The following DCTN2 variants were observed in gnomAD, a reference collection of about 807,000 sequenced individuals.
The protein encoded by DCTN2 is 50 kDa dynein-associated polypeptide.
Under a neutral mutation model 55.4 loss-of-function variants are expected in DCTN2, and 18 were observed. The ratio of observed to expected loss-of-function variants is 0.32; its 90% CI spans 0.22 to 0.48. The LOEUF (loss-of-function observed/expected upper bound fraction) is 0.48, where lower values mean the gene tolerates loss of function less well. Among genes scored for constraint, DCTN2 ranks in the 20% least tolerant of loss-of-function variants. The pLI, the probability that DCTN2 is intolerant of heterozygous loss-of-function variation, is 0.99. For missense variants in DCTN2, 390 were observed against 491.0 expected (o/e 0.79, Z 1.94); for synonymous variants, 168 against 185.2 (o/e 0.91, Z 0.76).
At chr12:57,544,488 C>T (rs1880981235) in intron 2 of DCTN2, among the ~76,000 whole-genome samples, 1 of 149,004 alleles carries the variant, frequency 6.7e-6, no homozygotes, top group Non-Finnish European at 1.5e-5. Flanking sequence ...AATCTCGGCT[C>T]ACTGCAACCT....
Position 57,532,045 on chromosome 12 carries a change from G to C in DCTN2, c.1089C>G (p.Ser363=), listed in dbSNP as rs1879773163. 1.9e-6 allele frequency: 3 copies of C among 1,565,788 alleles called. No homozygotes were observed. In the East Asian group the frequency reaches 7.1e-5, roughly 37 times the overall value. The part of the protein sequence containing the change: ...LDTTQQMIAN[S]LKDNTTLLTQ... ...TCAAGAGGGTGGTATTGTCCTTCAA[G>C]GAATTAGCAATCATCTGCTGGGTGG... is the stretch of plus-strand genomic sequence containing the variant. The change falls in exon 13 of 14, where the codon TCC becomes TCG. Residue 363 remains serine, a synonymous_variant. Coordinates refer to ENST00000548249, the MANE Select transcript of DCTN2 (RefSeq NM_001261413.2).
chr12:57,534,392 G>A lies in DCTN2; in HGVS notation c.424C>T (p.Leu142=). The change falls in exon 6 of 14, where the codon CTG becomes TTG. Residue 142 remains leucine, a synonymous_variant. Coordinates refer to ENST00000548249, the MANE Select transcript of DCTN2 (RefSeq NM_001261413.2). Reference sequence around the variant, plus strand: ...ACCAGCTGCTGCTTCAGGGCTGCCAGCTGTTTAGCCAGCAACACAGGGGTC... The same window carrying A: ...ACCAGCTGCTGCTTCAGGGCTGCCAACTGTTTAGCCAGCAACACAGGGGTC... ...KLTPVLLAKQ[L]AALKQQLVAS... 1.2e-6 allele frequency: 2 copies of A among 1,612,798 alleles called. No individual in the cohort carries two copies. The highest frequency in any genetic ancestry group is 1.7e-6 in the Non-Finnish European group (2 of 1,179,180).
intron 7 of DCTN2, 67 bp downstream of exon 7, chr12:57,533,886 G>A: frequency 1.3e-6 from 2 of 1,497,670 alleles, no homozygotes; most frequent in Admixed American, 2.2e-5. Context: ...TCCTTGGAGA[G>A]AGGCAGGAAA....
intron 3 of DCTN2, 40 bp from the exon 4 acceptor site, chr12:57,535,585 G>T (rs746489035): frequency 6.2e-7 from 1 of 1,609,158 alleles, no homozygotes. Flanking sequence ...CCTGATCTAG[G>T]CCCAAGGCAG....
chr12:57,530,718 C>G lies in DCTN2; in HGVS notation c.1177G>C (p.Asp393His). Residue 393 changes from aspartate to histidine, a missense_variant, in exon 14 of 14, where the codon GAT (aspartate) becomes CAT (histidine). Physicochemically the swap from Asp to His is moderately conservative, Grantham distance 81. Transcript: ENST00000548249. ...TTTCCCAGCTTCTTCATCCGTTCAT[C>G]AATGCTGGCAAAGTTCCCCTCAACT... ...ATVEGNFASIDERMKKLGK is the reference protein window; with the variant it reads ...ATVEGNFASIHERMKKLGK The G allele has an allele frequency of 6.2e-7, 1 of 1,613,984 alleles. No homozygotes were observed. The highest frequency in any genetic ancestry group is 2.2e-5 in the East Asian group (1 of 44,878).
At chr12:57,533,129 A>T in intron 8 of DCTN2, 107 bp from the exon 9 acceptor site, 1 of 1,562,092 alleles carries the variant, frequency 6.4e-7, no homozygotes, top group African/African-American at 1.4e-5. Context: ...TGATCCCTGT[A>T]ACTGAAGCCC....
chr12:57,533,057 T>G (rs1189233997), intron 8 of DCTN2, 35 bp from the exon 9 acceptor site: 1 of 1,580,446 alleles, frequency 6.3e-7, no homozygotes, highest in Admixed American at 1.8e-5. Context: ...TGAGTGGTCC[T>G]TATATCTCCA....
chr12:57,531,884 T>C, intron 13 of DCTN2, 131 bp downstream of exon 13: 1 of 1,296,410 alleles, frequency 7.7e-7, no homozygotes, highest in Non-Finnish European at 1.1e-6. Flanking sequence ...GAAAGCAGGA[T>C]GGAGACTCCA....
intron 13 of DCTN2, among the ~76,000 whole-genome samples, chr12:57,531,204 C>CTG (rs1879669553): frequency 6.6e-6 from 1 of 152,170 alleles, no homozygotes; most frequent in Non-Finnish European, 1.5e-5. Context: ...CCTTCCAGCA[C>CTG]TGAGAACAGT....
chr12:57,546,341 C>T (rs1306220482), intron 1 of DCTN2, among the ~76,000 whole-genome samples: 2 of 152,108 alleles, frequency 1.3e-5, no homozygotes, highest in Admixed American at 1.3e-4. Flanking sequence ...AACGATGTTA[C>T]CCTAAATCTA....
chr12:57,534,695 T>C (rs1164715062), intron 5 of DCTN2, among the ~76,000 whole-genome samples: 1 of 151,980 alleles, frequency 6.6e-6, no homozygotes, highest in African/African-American at 2.4e-5. Flanking sequence ...TGAGATGGAG[T>C]CTCGCTCTGT....
intron 2 of DCTN2, chr12:57,538,671 C>A: frequency 1.6e-6 from 1 of 639,656 alleles, no homozygotes. Context: ...CACACTGCAC[C>A]ACAGGGCCCC....
intron 2 of DCTN2, among the ~76,000 whole-genome samples, chr12:57,537,514 G>A (rs1201356354): frequency 6.6e-6 from 1 of 151,990 alleles, no homozygotes; most frequent in Non-Finnish European, 1.5e-5. Flanking sequence ...GTGTGAGGGG[G>A]ACATGGTGGG....
intron 2 of DCTN2, chr12:57,539,936 G>A: frequency 4.7e-6 from 1 of 211,374 alleles, no homozygotes. Flanking sequence ...TGAGGCAGGA[G>A]AATCATTTGA....
chr12:57,535,580 T>C (rs757825893), intron 3 of DCTN2, 35 bp from the exon 4 acceptor site: 1 of 1,607,952 alleles, frequency 6.2e-7, no homozygotes, highest in Non-Finnish European at 8.5e-7. Flanking sequence ...GAGGGCCTGA[T>C]CTAGGCCCAA....
At chr12:57,539,501 A>C (rs1056986184) in intron 2 of DCTN2, among the ~76,000 whole-genome samples, 6 of 152,202 alleles carry the variant, frequency 3.9e-5, no homozygotes, top group Admixed American at 3.3e-4. Flanking sequence ...CCACATAGAT[A>C]AGGCTCCCAC....
intron 8 of DCTN2, 29 bp from the exon 9 acceptor site, chr12:57,533,051 T>G (rs1489461768): frequency 6.3e-7 from 1 of 1,586,342 alleles, no homozygotes; most frequent in East Asian, 2.2e-5. Context: ...AAGAAGTGAG[T>G]GGTCCTTATA....
intron 2 of DCTN2, chr12:57,543,962 G>A (rs976487620): frequency 6.2e-6 from 3 of 483,312 alleles, no homozygotes; most frequent in Non-Finnish European, 1.2e-5. Flanking sequence ...ACCTGGAATG[G>A]GTGTCATCTC....
Position 57,531,998 on chromosome 12 carries a change from A to C in DCTN2, c.1119+17T>G. On this transcript the variant is annotated intron_variant, in intron 13 of 13. Coordinates refer to ENST00000548249, the MANE Select transcript of DCTN2 (RefSeq NM_001261413.2). ...CATGCTGGAGAAAGGAGGACAGATC[A>C]ACAAAGGGGCACACACCTGGGTCAA... is the stretch of plus-strand genomic sequence containing the variant. 6.4e-7 allele frequency: 1 copy of C among 1,555,658 alleles called. No individual in the cohort carries two copies. The highest frequency in any genetic ancestry group is 8.7e-7 in the Non-Finnish European group (1 of 1,149,162).
Sources: allele counts gnomAD v4.1 joint callset (sites outside exome capture counted in the v4.1 genomes callset), GRCh38; gene constraint gnomAD v4.1.1; transcripts MANE v1.5; gene names NCBI Gene and HGNC (gene_info 2026-07-23, HGNC 2026-07-21).